SLC9A9: variants seen among roughly 807,000 people sequenced by gnomAD.
SLC9A9 encodes the protein solute carrier family 9 member A9, also known as sodium/hydrogen exchanger 9.
Under a neutral mutation model 77.8 loss-of-function variants are expected in SLC9A9, and 62 were observed. The observed-to-expected ratio is 0.80, with a 90% confidence interval of 0.65 to 0.98. The LOEUF (loss-of-function observed/expected upper bound fraction) is 0.98. SLC9A9 is among the 50% of genes least tolerant of loss of function. The probability of loss-of-function intolerance (pLI) is 0.00; values close to 1 mark genes in which losing one functional copy is unlikely to be tolerated. For missense variants in SLC9A9, 775 were observed against 774.9 expected, an observed-to-expected ratio of 1.00 and a Z score of 0.00; for synonymous variants, 320 against 283.5, an observed-to-expected ratio of 1.13 and a Z score of -1.29.
chr3:143,636,623 AC>A (rs1190152691), intron 6 of SLC9A9, among the ~76,000 whole-genome samples: 1 of 152,074 alleles, frequency 6.6e-6, no homozygotes, highest in Non-Finnish European at 1.5e-5. Context: ...ATTACCTTCC[AC>A]CCTTCCACCT....
At chr3:143,415,681 G>C (rs2034179394) in intron 12 of SLC9A9, among the ~76,000 whole-genome samples, 3 of 152,204 alleles carry the variant, frequency 2.0e-5, no homozygotes, top group Admixed American at 2.0e-4. Context: ...GATGTAAAAG[G>C]AGATTGATGT....
At chr3:143,414,013 G>A (rs1276866796) in intron 12 of SLC9A9, among the ~76,000 whole-genome samples, 1 of 152,274 alleles carries the variant, frequency 6.6e-6, no homozygotes, top group African/African-American at 2.4e-5. Flanking sequence ...TAGACACATA[G>A]CAGGCACTTG....
At chr3:143,775,172 A>G (rs2007650300) in intron 4 of SLC9A9, among the ~76,000 whole-genome samples, 1 of 152,238 alleles carries the variant, frequency 6.6e-6, no homozygotes, top group Admixed American at 6.5e-5. Flanking sequence ...ATAGAATTTT[A>G]GCCCTGGGAA....
At chr3:143,371,437 T>C (rs1040018655) in intron 13 of SLC9A9, among the ~76,000 whole-genome samples, 1 of 152,150 alleles carries the variant, frequency 6.6e-6, no homozygotes, top group African/African-American at 2.4e-5. Flanking sequence ...GCAAACTTTA[T>C]AGAATACTCC....
intron 14 of SLC9A9, among the ~76,000 whole-genome samples, chr3:143,356,673 A>G: frequency 6.6e-6 from 1 of 152,038 alleles, no homozygotes; most frequent in Non-Finnish European, 1.5e-5. Flanking sequence ...GGTGCATGCT[A>G]CCATGCTCAG....
intron 12 of SLC9A9, among the ~76,000 whole-genome samples, chr3:143,443,922 C>T (rs186770502): frequency 2.3e-4 from 35 of 151,822 alleles, no homozygotes; most frequent in African/African-American, 6.1e-4. Context: ...ACACATGACA[C>T]GATTGCATTC....
chr3:143,432,599 C>A (rs2034541537), intron 12 of SLC9A9, among the ~76,000 whole-genome samples: 1 of 151,996 alleles, frequency 6.6e-6, no homozygotes, highest in African/African-American at 2.4e-5. Context: ...GGCTCTCTTC[C>A]CCCTAGAATG....
At chr3:143,598,917 G>C (rs965451621) in intron 6 of SLC9A9, among the ~76,000 whole-genome samples, 1 of 152,188 alleles carries the variant, frequency 6.6e-6, no homozygotes, top group African/African-American at 2.4e-5. Flanking sequence ...TCAGGGAACA[G>C]GAATCTTTTG....
chr3:143,383,051 T>C (rs1041310119), intron 12 of SLC9A9, among the ~76,000 whole-genome samples: 3 of 152,246 alleles, frequency 2.0e-5, no homozygotes, highest in Admixed American at 6.5e-5. Context: ...CCATAAGCAA[T>C]GCACAGTGTA....
chr3:143,592,843 G>A (rs571954855), intron 6 of SLC9A9, among the ~76,000 whole-genome samples: 1 of 152,270 alleles, frequency 6.6e-6, no homozygotes, highest in East Asian at 1.9e-4. Context: ...CAGCTCCCAG[G>A]CCTTGGTTAA....
At chr3:143,546,388 G>T (rs931762776) in intron 9 of SLC9A9, among the ~76,000 whole-genome samples, 1 of 152,154 alleles carries the variant, frequency 6.6e-6, no homozygotes, top group Non-Finnish European at 1.5e-5. Flanking sequence ...CAAAGAATCT[G>T]GCTTTTCAAA....
intron 9 of SLC9A9, among the ~76,000 whole-genome samples, chr3:143,546,926 T>C (rs1410447058): frequency 6.6e-6 from 1 of 152,228 alleles, no homozygotes; most frequent in Non-Finnish European, 1.5e-5. Context: ...CCAATTTCTT[T>C]CCTCTTATTC....
chr3:143,436,436 AT>A (rs1170548299), intron 12 of SLC9A9, among the ~76,000 whole-genome samples: 3 of 152,192 alleles, frequency 2.0e-5, no homozygotes, highest in Non-Finnish European at 4.4e-5. Flanking sequence ...AAGTGCTATA[AT>A]TGCAAAACAG....
rs535266782 is a variant in SLC9A9, at chr3:143,827,849, A to T, written c.378+4170T>A. On this transcript the variant is annotated intron_variant, in intron 2 of 15. Coordinates refer to ENST00000316549, the MANE Select transcript of SLC9A9 (RefSeq NM_173653.4). The stretch of plus-strand genomic sequence containing the variant: ...CCTTTAAAATATATCACAAAGGAAA[A>T]GGACCCAGTGGGGCCACACTAATGG... 2.6e-5 allele frequency among the ~76,000 whole-genome samples: 4 copies of T among 152,352 alleles called. No homozygotes were observed. The East Asian group carries it at 7.7e-4, about 29-fold the overall frequency.
intron 12 of SLC9A9, among the ~76,000 whole-genome samples, chr3:143,459,680 G>T (rs1310622316): frequency 6.6e-6 from 1 of 151,950 alleles, no homozygotes; most frequent in Non-Finnish European, 1.5e-5. Flanking sequence ...ACTTTATAGG[G>T]TCGATTTCTC....
In SLC9A9 at chr3:143,752,374, T is replaced by C. The variant is rs115730514; in HGVS notation, c.533+42627A>G. ...CCTAGTAAGTCTCCAGATGAGACCGTAAGTTTTAGGCACCGTTGCCTGATA... is the reference window on the plus strand; with the variant it reads ...CCTAGTAAGTCTCCAGATGAGACCGCAAGTTTTAGGCACCGTTGCCTGATA... On this transcript the variant is annotated intron_variant, in intron 4 of 15. Transcript: ENST00000316549. 3.4e-3 allele frequency among the ~76,000 whole-genome samples: 520 copies of C among 152,302 alleles called. 5 individuals are homozygous for C. The highest frequency in any genetic ancestry group is 0.012 in the African/African-American group (488 of 41,550).
intron 12 of SLC9A9, among the ~76,000 whole-genome samples, chr3:143,465,481 A>G (rs1423499063): frequency 6.6e-6 from 1 of 152,268 alleles, no homozygotes; most frequent in African/African-American, 2.4e-5. Context: ...CTTTTGGGGT[A>G]GAAAAAGAAA....
Position 143,266,714 on chromosome 3 carries a change from G to A in SLC9A9, c.1926C>T (p.Ser642=). 1 of 1,614,056 alleles carries A rather than the reference G, an allele frequency of 6.2e-7. No individual in the cohort carries two copies. Among genetic ancestry groups the A allele is most frequent in the Non-Finnish European group, 8.5e-7 (1 of 1,180,010 alleles). ...CTCTTCATGCCAATTAATTCAACTG[G>A]GATTGACCCAAAGTTTGCTCAAGCT... ...ELKLEQTLGQ[S]QLN The change falls in exon 16 of 16, where the codon TCC becomes TCT. Residue 642 remains serine (S), a synonymous_variant. Coordinates refer to ENST00000316549, the MANE Select transcript of SLC9A9 (RefSeq NM_173653.4).
chr3:143,354,510 T>C (rs2032539697), intron 14 of SLC9A9, among the ~76,000 whole-genome samples: 1 of 152,182 alleles, frequency 6.6e-6, no homozygotes, highest in Non-Finnish European at 1.5e-5. Flanking sequence ...CCCAGGACTG[T>C]GTCTCACTGG....
Sources: gnomAD v4.1 joint callset for allele counts (sites outside exome capture counted in the v4.1 genomes callset) on GRCh38, gnomAD v4.1.1 for gene constraint, MANE v1.5 for transcripts, NCBI Gene and HGNC (gene_info 2026-07-23, HGNC 2026-07-21) for gene names.